The following EVI5 variants were observed in gnomAD, a reference collection of about 807,000 sequenced individuals.
EVI5 encodes ecotropic viral integration site 5, also known as ecotropic viral integration site 5 protein homolog.
In EVI5, 73 loss-of-function variants were observed where a neutral mutation model predicts 112.0. The observed-to-expected ratio is 0.65, with a 90% CI of 0.54 to 0.79. The LOEUF (loss-of-function observed/expected upper bound fraction) is 0.79. Ranked by LOEUF, EVI5 falls within the 30% of genes least tolerant of loss-of-function variation. The probability of loss-of-function intolerance (pLI) is 0.00; values close to 1 mark genes in which losing one functional copy is unlikely to be tolerated. For missense variants in EVI5, 900 were observed against 968.8 expected (o/e 0.93, Z 0.94); for synonymous variants, 305 against 319.9 (o/e 0.95, Z 0.50).
intron 17 of EVI5, among the ~76,000 whole-genome samples, chr1:92,606,516 C>T (rs749549075): frequency 1.7e-4 from 26 of 152,134 alleles, no homozygotes; most frequent in Non-Finnish European, 3.5e-4. Flanking sequence ...TTAGTCATAT[C>T]CTTCAAAAGT....
chr1:92,665,958 C>A lies in EVI5; in HGVS notation c.1193G>T (p.Arg398Leu), dbSNP rs758545455. The A allele has an allele frequency of 6.2e-7, 1 of 1,606,686 alleles. No individual in the cohort carries two copies. Among genetic ancestry groups the A allele is most frequent in the Non-Finnish European group, 8.5e-7 (1 of 1,177,192 alleles). The change falls in exon 11 of 20, where the codon CGC becomes CTC. Residue 398 changes from arginine (R) to leucine (L), a missense_variant. Arg to Leu is a moderately radical substitution (Grantham distance 102). Transcript: ENST00000684568. ...ACTTACTTTTTCTAATGTCTCGATG[C>A]GCTGTTTTAAAAGTCTATTTTCTGT... ...LRTENRLLKQ[R>L]IETLEKESAS...
At chr1:92,568,534 T>C (rs1001237977) in intron 18 of EVI5, among the ~76,000 whole-genome samples, 24 of 152,222 alleles carry the variant, frequency 1.6e-4, no homozygotes, top group Non-Finnish European at 2.9e-5. Flanking sequence ...TAAAGCATCA[T>C]TGTATGTGTA....
At chr1:92,707,826 C>T (rs1434877650) in intron 2 of EVI5, among the ~76,000 whole-genome samples, 1 of 152,114 alleles carries the variant, frequency 6.6e-6, no homozygotes, top group Non-Finnish European at 1.5e-5. Flanking sequence ...CAGCTTTATT[C>T]ACAATAGCCC....
intron 11 of EVI5, among the ~76,000 whole-genome samples, chr1:92,663,746 GT>G (rs898601386): frequency 6.6e-6 from 1 of 151,872 alleles, no homozygotes; most frequent in African/African-American, 2.4e-5. Flanking sequence ...TGTTTGTTTT[GT>G]TTTTTTAAAA....
At chr1:92,644,310 C>T (rs1286611176) in intron 13 of EVI5, among the ~76,000 whole-genome samples, 1 of 152,048 alleles carries the variant, frequency 6.6e-6, no homozygotes, top group African/African-American at 2.4e-5. Context: ...ACAATGACAC[C>T]ACGAGGAAGG....
intron 9 of EVI5, 62 bp downstream of exon 9, chr1:92,693,740 C>T: frequency 1.2e-6 from 1 of 856,638 alleles, no homozygotes; most frequent in Non-Finnish European, 1.9e-6. Flanking sequence ...AGGAGGAAAA[C>T]TGTATCACTA....
rs1045339970 is a variant in EVI5, at chr1:92,739,247, T to G, written c.-81-2620A>C. 2.6e-4 allele frequency among the ~76,000 whole-genome samples: 29 copies of G among 112,850 alleles called. No homozygotes were observed. The East Asian group carries it at 7.3e-3, about 28-fold the overall frequency. 74.0% of individuals were successfully genotyped at this position (112,850 alleles called of 152,430 possible). On this transcript the variant is annotated intron_variant, in intron 1 of 19. Transcript: ENST00000684568. ...AAGATCACGCCACTGCTCTCCAGCC[T>G]GAGCAACAAAAGCGAAACTCCGTCT...
At chr1:92,750,268 C>G (rs1421621630) in intron 1 of EVI5, among the ~76,000 whole-genome samples, 1 of 151,992 alleles carries the variant, frequency 6.6e-6, no homozygotes, top group African/African-American at 2.4e-5. Context: ...AACAGAAAAT[C>G]AATGAACTAG....
chr1:92,648,048 A>G (rs1661302392), intron 13 of EVI5, among the ~76,000 whole-genome samples: 1 of 144,274 alleles, frequency 6.9e-6, no homozygotes, highest in Non-Finnish European at 1.5e-5. Context: ...CCTGGCCTCA[A>G]ATAACCATTT....
chr1:92,739,367 G>A (rs1284945291), intron 1 of EVI5, among the ~76,000 whole-genome samples: 3 of 149,968 alleles, frequency 2.0e-5, no homozygotes, highest in Non-Finnish European at 3.0e-5. Flanking sequence ...GCCACATATT[G>A]TATGATTCCA....
chr1:92,631,908 C>T (rs1657228819), intron 14 of EVI5, among the ~76,000 whole-genome samples: 1 of 152,174 alleles, frequency 6.6e-6, no homozygotes, highest in Admixed American at 6.5e-5. Context: ...TGAATTTTGT[C>T]AAAGGCCTTT....
At chr1:92,722,189 T>C (rs961907039) in intron 2 of EVI5, among the ~76,000 whole-genome samples, 1 of 152,192 alleles carries the variant, frequency 6.6e-6, no homozygotes, top group Non-Finnish European at 1.5e-5. Flanking sequence ...GCTACTCTCT[T>C]AGCAATTTTC....
intron 2 of EVI5, among the ~76,000 whole-genome samples, chr1:92,735,011 T>C (rs1168353559): frequency 1.3e-5 from 2 of 152,184 alleles, no homozygotes; most frequent in Admixed American, 6.6e-5. Context: ...GAACTGGTAA[T>C]TTCATACACT....
chr1:92,676,693 T>G (rs1666801586), intron 10 of EVI5, among the ~76,000 whole-genome samples: 1 of 152,144 alleles, frequency 6.6e-6, no homozygotes, highest in Non-Finnish European at 1.5e-5. Context: ...GAGGAGTAGT[T>G]CAAAAGTATA....
intron 13 of EVI5, among the ~76,000 whole-genome samples, chr1:92,651,669 G>A (rs1355828511): frequency 7.1e-6 from 1 of 141,354 alleles, no homozygotes; most frequent in African/African-American, 2.7e-5. Flanking sequence ...GGCTAAAACG[G>A]TGAAACCCCG....
At chr1:92,788,748 C>G (rs750060164), upstream of EVI5, among the ~76,000 whole-genome samples, 1 of 151,946 alleles carries the variant, frequency 6.6e-6, no homozygotes, top group East Asian at 1.9e-4. Flanking sequence ...GAGCCGAGAT[C>G]GCGCCACTGC....
At chr1:92,765,789 G>A (rs1361417728) in intron 1 of EVI5, among the ~76,000 whole-genome samples, 1 of 152,100 alleles carries the variant, frequency 6.6e-6, no homozygotes, top group Admixed American at 6.6e-5. Context: ...AAACTGGGGG[G>A]AAAGGGCGGG....
chr1:92,582,789 TG>T (rs1672142307), intron 18 of EVI5, among the ~76,000 whole-genome samples: 1 of 144,966 alleles, frequency 6.9e-6, no homozygotes. Context: ...TTACTTTAAA[TG>T]TCATTTAAAT....
chr1:92,623,969 G>A (rs1655112471), intron 16 of EVI5, among the ~76,000 whole-genome samples: 1 of 152,184 alleles, frequency 6.6e-6, no homozygotes. Flanking sequence ...TGACTTCCTT[G>A]AACTTTGTTG....
Sources: gnomAD v4.1 joint callset for allele counts (sites outside exome capture counted in the v4.1 genomes callset) on GRCh38, gnomAD v4.1.1 for gene constraint, MANE v1.5 for transcripts, NCBI Gene and HGNC (gene_info 2026-07-23, HGNC 2026-07-21) for gene names.